ERLIN2: variants seen among roughly 807,000 people sequenced by gnomAD.
The protein encoded by ERLIN2 is ER lipid raft associated 2.
A neutral mutation model predicts 41.5 loss-of-function variants in ERLIN2; 22 were observed. The observed-to-expected ratio is 0.53, with a 90% CI of 0.38 to 0.76. ERLIN2 has a LOEUF of 0.76. Ranked by LOEUF, ERLIN2 falls within the 30% of genes least tolerant of loss-of-function variation. The pLI, the probability that ERLIN2 is intolerant of heterozygous loss-of-function variation, is 0.00. For missense variants in ERLIN2, 247 were observed against 414.3 expected (o/e 0.60, Z 3.51); for synonymous variants, 149 against 150.9 (o/e 0.99, Z 0.09).
At chr8:37,750,280 A>G in intron 8 of ERLIN2, 115 bp from the exon 9 acceptor site, 1 of 793,612 alleles carries the variant, frequency 1.3e-6, no homozygotes, top group Non-Finnish European at 2.1e-6. Flanking sequence ...ACAGCCTTCC[A>G]GGAGGAGTAG....
At chr8:37,738,877 C>T (rs1802753493) in intron 2 of ERLIN2, among the ~76,000 whole-genome samples, 1 of 152,026 alleles carries the variant, frequency 6.6e-6, no homozygotes, top group African/African-American at 2.4e-5. Flanking sequence ...AGAGCAAGAC[C>T]CTGTCTCTAA....
At chr8:37,739,016 G>C (rs1802759080) in intron 2 of ERLIN2, among the ~76,000 whole-genome samples, 1 of 151,948 alleles carries the variant, frequency 6.6e-6, no homozygotes, top group African/African-American at 2.4e-5. Flanking sequence ...TTATTTTATT[G>C]GTTTTTTTTT....
intron 6 of ERLIN2, chr8:37,746,459 G>T: frequency 1.0e-6 from 1 of 984,876 alleles, no homozygotes; most frequent in African/African-American, 1.7e-5. Flanking sequence ...CATGGATATA[G>T]TTATCACTGA....
chr8:37,751,514 T>C (rs550018116), intron 9 of ERLIN2, 112 bp from the exon 10 acceptor site: 2 of 843,222 alleles, frequency 2.4e-6, no homozygotes, highest in African/African-American at 1.7e-5. Flanking sequence ...ACAGCTGCCC[T>C]CTGGGGGCTC....
chr8:37,739,715 C>G, intron 2 of ERLIN2, among the ~76,000 whole-genome samples: 1 of 152,040 alleles, frequency 6.6e-6, no homozygotes, highest in Admixed American at 6.5e-5. Context: ...CCTAATAATC[C>G]ACTCACCTCA....
intron 9 of ERLIN2, 49 bp from the exon 10 acceptor site, chr8:37,751,577 G>C: frequency 6.6e-7 from 1 of 1,522,620 alleles, no homozygotes; most frequent in Non-Finnish European, 9.1e-7. Flanking sequence ...GGTGAAATTA[G>C]TCAAACTCTG....
At position 37,745,414 on chromosome 8, in the gene ERLIN2, C is replaced by A. The variant is rs566123702; in HGVS notation, c.424+718C>A. On this transcript the variant is annotated intron_variant, in intron 6 of 11. Coordinates refer to ENST00000519638, the MANE Select transcript of ERLIN2 (RefSeq NM_007175.8). Reference sequence around the variant, plus strand: ...TTACCTTTTTCAAAGTAAAGGCAACCTGACTTAGCAGCAAAGGAAGGACAC... The same window carrying A: ...TTACCTTTTTCAAAGTAAAGGCAACATGACTTAGCAGCAAAGGAAGGACAC... 5 of 726,380 alleles carry A rather than the reference C, an allele frequency of 6.9e-6. No homozygotes were observed. In the South Asian group the frequency reaches 7.0e-5, roughly 10 times the overall value. The allele number at this position is 726,380 out of a possible 1,614,324, so 45.0% of individuals were successfully genotyped here.
At chr8:37,744,091 T>C (rs769382953) in intron 4 of ERLIN2, among the ~76,000 whole-genome samples, 1 of 152,208 alleles carries the variant, frequency 6.6e-6, no homozygotes, top group Non-Finnish European at 1.5e-5. Flanking sequence ...TCCAAAGATA[T>C]GAGTTACTCT....
chr8:37,752,311 G>A (rs959968634), intron 10 of ERLIN2, among the ~76,000 whole-genome samples: 1 of 152,146 alleles, frequency 6.6e-6, no homozygotes, highest in African/African-American at 2.4e-5. Flanking sequence ...TACTTCTTGG[G>A]GTGGCTTATT....
In ERLIN2 at chr8:37,758,035, A is replaced by G. The variant is rs1301725157; in HGVS notation, c.*3920A>G. On this transcript the variant is annotated 3_prime_UTR_variant, in exon 12 of 12. Transcript: ENST00000519638. Reference sequence around the variant, plus strand: ...ACCTAGTTAAATATGAATTTCAACAATGTACAATTTTTAGTCTAAGTACTA... The same window carrying G: ...ACCTAGTTAAATATGAATTTCAACAGTGTACAATTTTTAGTCTAAGTACTA... The G allele has an allele frequency of 1.3e-5, 2 of 152,258 alleles. No homozygotes were observed. The highest frequency in any genetic ancestry group is 1.9e-4 in the East Asian group (1 of 5,206). The allele number at this position is 152,258 out of a possible 1,614,324, so 9.4% of individuals were successfully genotyped here. A position where few individuals can be genotyped will look rare whatever the true frequency, so the allele number is the denominator to read the frequency against.
At position 37,741,846 on chromosome 8, in the gene ERLIN2, G is replaced by A. The variant is rs774487188; in HGVS notation, c.236+28G>A. 3.8e-6 allele frequency: 6 copies of A among 1,579,818 alleles called. No individual in the cohort carries two copies. The highest frequency in any genetic ancestry group is 5.2e-6 in the Non-Finnish European group (6 of 1,148,800). ...AAGGTACCCAGAATAAAGCTTTTAA[G>A]CCCAAATAAGTCAGAGAAAAGGCTG... On this transcript the variant is annotated intron_variant, in intron 4 of 11. Coordinates refer to ENST00000519638, the MANE Select transcript of ERLIN2 (RefSeq NM_007175.8). The surrounding 1 kb of genome is among the most constrained non-coding windows in gnomAD (Gnocchi z 4.8).
intron 6 of ERLIN2, chr8:37,746,070 G>C (rs1803037316): frequency 6.0e-6 from 6 of 995,290 alleles, no homozygotes; most frequent in Non-Finnish European, 7.2e-6. Flanking sequence ...TGCTTGTATG[G>C]AGGAGCTGGG....
chr8:37,737,555 C>G, intron 1 of ERLIN2: 1 of 317,548 alleles, frequency 3.1e-6, no homozygotes, highest in Non-Finnish European at 6.1e-6. Flanking sequence ...GCAGCTGCCT[C>G]TCTTCCCTAC....
chr8:37,736,992 GC>G (rs1803694399), intron 1 of ERLIN2: 5 of 985,928 alleles, frequency 5.1e-6, no homozygotes, highest in Non-Finnish European at 4.8e-6. Flanking sequence ...CAGATCGGTA[GC>G]CGGAGGCCGC....
chr8:37,744,875 T>C, intron 6 of ERLIN2, 179 bp downstream of exon 6: 1 of 736,880 alleles, frequency 1.4e-6, no homozygotes, highest in Non-Finnish European at 2.4e-6. Flanking sequence ...TGCTGATAGC[T>C]ATGCAACAAG....
rs1273497215 is a variant in ERLIN2 at position 37,755,074 on chromosome 8, G to C, written c.*959G>C. 1 of 152,370 alleles carries C rather than the reference G, an allele frequency of 6.6e-6. No homozygotes were observed. Among genetic ancestry groups the C allele is most frequent in the Non-Finnish European group, 1.5e-5 (1 of 68,146 alleles). 9.4% of individuals were successfully genotyped at this position (152,370 alleles called of 1,614,324 possible). ...ATGTGTGGAGGAGGAGGAACGATCAGTCAAGAGATGTCCTGGTCTTAATGC... is the reference window on the plus strand; with the variant it reads ...ATGTGTGGAGGAGGAGGAACGATCACTCAAGAGATGTCCTGGTCTTAATGC... On this transcript the variant is annotated 3_prime_UTR_variant, in exon 12 of 12. Coordinates refer to ENST00000519638, the MANE Select transcript of ERLIN2 (RefSeq NM_007175.8).
intron 9 of ERLIN2, among the ~76,000 whole-genome samples, 192 bp from the exon 10 acceptor site, chr8:37,751,434 G>A (rs755551527): frequency 2.6e-5 from 4 of 152,198 alleles, no homozygotes; most frequent in African/African-American, 4.8e-5. Context: ...GGTCTCCTTG[G>A]TTACTGTCTC....
chr8:37,748,105 T>G, intron 6 of ERLIN2: 1 of 789,932 alleles, frequency 1.3e-6, no homozygotes, highest in Non-Finnish European at 2.2e-6. Flanking sequence ...GCTACCTTAG[T>G]AATACAATTT....
Position 37,749,632 on chromosome 8 carries a change from A to G in ERLIN2, c.498A>G (p.Gln166=). Residue 166 remains glutamine, a splice_region_variant and synonymous_variant, in exon 7 of 12, where the codon CAA becomes CAG. Coordinates refer to ENST00000519638, the MANE Select transcript of ERLIN2 (RefSeq NM_007175.8). ...LTSMAPGLVI[Q]AVRVTKPNIP... is the part of the protein sequence containing the mutation. The stretch of plus-strand genomic sequence containing the variant: ...CCATGGCCCCTGGGCTGGTCATTCA[A>G]GTAAGCATTGCTGCATGGGAGCAGC... 5 of 1,612,070 alleles carry G rather than the reference A, an allele frequency of 3.1e-6. No individual in the cohort carries two copies. The highest frequency in any genetic ancestry group is 4.2e-6 in the Non-Finnish European group (5 of 1,178,064).
Sources: allele counts gnomAD v4.1 joint callset (sites outside exome capture counted in the v4.1 genomes callset), GRCh38; gene constraint gnomAD v4.1.1; non-coding constraint Gnocchi (gnomAD v3.1); transcripts MANE v1.5; gene names NCBI Gene and HGNC (gene_info 2026-07-23, HGNC 2026-07-21).